Variants in NCOR1 observed in about 807,000 individuals in gnomAD.
NCOR1 encodes protein phosphatase 1, regulatory subunit 109.
Under a neutral mutation model 288.1 loss-of-function variants are expected in NCOR1, and 63 were observed. That is an observed-to-expected ratio of 0.22 (90% CI 0.18 to 0.27). The LOEUF is 0.27. Ranked by LOEUF, NCOR1 falls within the 10% of genes least tolerant of loss-of-function variation. The pLI is 1.00. For missense variants in NCOR1, 2,397 were observed against 3,019.2 expected, an observed-to-expected ratio of 0.79 and a Z score of 4.83; for synonymous variants, 1,007 against 1,065.9, an observed-to-expected ratio of 0.94 and a Z score of 1.08.
Position 16,068,071 on chromosome 17 carries a change from T to C in NCOR1, c.4564A>G (p.Thr1522Ala), listed in dbSNP as rs766928683. The change falls in exon 32 of 46, where the codon ACC becomes GCC. Residue 1522 changes from threonine (T) to alanine (A), a missense_variant. Physicochemically the swap from Thr to Ala is moderately conservative, Grantham distance 58. Transcript: ENST00000268712. ...GGGATACTTTCCCTCTGGGTAGGGGTCAGTGTCGATTTCCTTTCATGATTG... is the reference window on the plus strand; with the variant it reads ...GGGATACTTTCCCTCTGGGTAGGGGCCAGTGTCGATTTCCTTTCATGATTG... Reference protein sequence around the residue: ...STNHERKSTLTPTQRESIPAK... With the variant: ...STNHERKSTLAPTQRESIPAK... The C allele has an allele frequency of 2.5e-6, 4 of 1,613,872 alleles. No individual in the cohort carries two copies. Among genetic ancestry groups the C allele is most frequent in the Non-Finnish European group, 3.4e-6 (4 of 1,179,962 alleles).
chr17:16,033,100 C>G (rs1346684853), intron 45 of NCOR1, among the ~76,000 whole-genome samples: 1 of 152,170 alleles, frequency 6.6e-6, no homozygotes, highest in Non-Finnish European at 1.5e-5. Context: ...AATCCCAGCA[C>G]TTTGGGAGGC....
intron 40 of NCOR1, among the ~76,000 whole-genome samples, chr17:16,049,884 CTTA>C (rs2059110246): frequency 6.6e-6 from 1 of 151,788 alleles, no homozygotes; most frequent in Admixed American, 6.6e-5. Context: ...GCCCATTTAT[CTTA>C]TTATTAAAAT....
chr17:16,212,833 A>T (rs998459811), intron 1 of NCOR1, among the ~76,000 whole-genome samples: 3 of 151,962 alleles, frequency 2.0e-5, no homozygotes, highest in African/African-American at 7.3e-5. Context: ...GCACTTTGGG[A>T]GGCTGAGACA....
chr17:16,072,101 G>A, intron 29 of NCOR1, 44 bp downstream of exon 29: 1 of 1,410,854 alleles, frequency 7.1e-7, no homozygotes, highest in Non-Finnish European at 9.8e-7. Flanking sequence ...ATTTTGCCAG[G>A]GAGGCAGTTA....
intron 2 of NCOR1, among the ~76,000 whole-genome samples, chr17:16,192,323 G>T (rs1167816498): frequency 6.6e-6 from 1 of 152,218 alleles, no homozygotes; most frequent in East Asian, 1.9e-4. Context: ...AGACCAGCCT[G>T]GCCAACATAG....
intron 10 of NCOR1, among the ~76,000 whole-genome samples, chr17:16,143,971 C>A (rs2077502539): frequency 6.6e-6 from 1 of 152,092 alleles, no homozygotes; most frequent in South Asian, 2.1e-4. Flanking sequence ...TTATTGATGC[C>A]AATTCCATTT....
At position 16,030,078 on chromosome 17, in the gene NCOR1, C is replaced by T. The variant is rs540674632; in HGVS notation, c.*2218G>A. On this transcript the variant is annotated 3_prime_UTR_variant, in exon 46 of 46. Coordinates refer to ENST00000268712, the MANE Select transcript of NCOR1 (RefSeq NM_006311.4). ...GGCCTACTGCTGACCAGAAGTCTTA[C>T]GGATAACATAGTCGATTGACACATA... 13 of 177,616 alleles carry T rather than the reference C, an allele frequency of 7.3e-5. No individual in the cohort carries two copies. The highest frequency in any genetic ancestry group is 2.0e-4 in the South Asian group (1 of 5,030). The allele number at this position is 177,616 out of a possible 1,614,324, so 11.0% of individuals were successfully genotyped here.
chr17:16,181,591 G>A (rs1277194447), intron 3 of NCOR1, among the ~76,000 whole-genome samples: 1 of 152,056 alleles, frequency 6.6e-6, no homozygotes, highest in East Asian at 1.9e-4. Flanking sequence ...TGCTAAATGG[G>A]TAGATTTTAG....
At chr17:16,047,763 A>G (rs905929641) in intron 41 of NCOR1, among the ~76,000 whole-genome samples, 1 of 152,218 alleles carries the variant, frequency 6.6e-6, no homozygotes, top group Non-Finnish European at 1.5e-5. Flanking sequence ...AGATGAGAAC[A>G]GAGACTATAG....
At chr17:16,057,342 G>T in intron 40 of NCOR1, 172 bp downstream of exon 40, 1 of 634,170 alleles carries the variant, frequency 1.6e-6, no homozygotes, top group South Asian at 2.0e-5. Context: ...CAAATGCCAA[G>T]ACAGTGGACA....
chr17:16,036,595 A>G (rs1419814469), intron 44 of NCOR1, among the ~76,000 whole-genome samples: 1 of 152,246 alleles, frequency 6.6e-6, no homozygotes, highest in Non-Finnish European at 1.5e-5. Flanking sequence ...AACTTGCTGC[A>G]ACATCTTCAT....
chr17:16,138,981 T>C, intron 12 of NCOR1, 27 bp downstream of exon 12: 1 of 1,454,542 alleles, frequency 6.9e-7, no homozygotes, highest in Non-Finnish European at 9.3e-7. Context: ...AGATGTCTAT[T>C]AGAGAATAAT....
At chr17:16,076,946 C>A (rs1041436162) in intron 26 of NCOR1, among the ~76,000 whole-genome samples, 6 of 152,220 alleles carry the variant, frequency 3.9e-5, no homozygotes, top group African/African-American at 9.6e-5. Flanking sequence ...CAATTCTCCA[C>A]GACAACACCT....
chr17:16,146,775 A>G (rs539761259), intron 9 of NCOR1, among the ~76,000 whole-genome samples: 1 of 152,206 alleles, frequency 6.6e-6, no homozygotes, highest in Admixed American at 6.5e-5. Flanking sequence ...GTTAACATTA[A>G]GACTATGCAT....
chr17:16,103,984 G>A (rs976330676), intron 19 of NCOR1, among the ~76,000 whole-genome samples: 1 of 152,202 alleles, frequency 6.6e-6, no homozygotes, highest in African/African-American at 2.4e-5. Context: ...TGGGCAACAA[G>A]AGTGAAACTC....
intron 28 of NCOR1, among the ~76,000 whole-genome samples, chr17:16,072,705 G>A (rs548005887): frequency 1.3e-5 from 2 of 152,126 alleles, no homozygotes; most frequent in Non-Finnish European, 2.9e-5. Flanking sequence ...TAAATCAAGG[G>A]TTAGAAATAA....
rs145663302 is a variant in NCOR1 at position 16,048,891 on chromosome 17, T to C, written c.6490A>G (p.Ser2164Gly). The change falls in exon 41 of 46, where the codon AGC becomes GGC. Residue 2164 changes from serine to glycine, a missense_variant. Coordinates refer to ENST00000268712, the MANE Select transcript of NCOR1 (RefSeq NM_006311.4). ...QVPVVHEKQD[S>G]LLLLSQRGAE... Reference sequence around the variant, plus strand: ...CCCCTCTGAGACAAGAGCAGCAAGCTGTCCTGTTTCTCATGCACAACCGGA... The same window carrying C: ...CCCCTCTGAGACAAGAGCAGCAAGCCGTCCTGTTTCTCATGCACAACCGGA... The C allele has an allele frequency of 2.2e-5, 36 of 1,613,832 alleles. No homozygotes were observed. Among genetic ancestry groups the C allele is most frequent in the Non-Finnish European group, 2.9e-5 (34 of 1,179,894 alleles).
intron 22 of NCOR1, 54 bp from the exon 23 acceptor site, chr17:16,086,496 CAT>C (rs2064250996): frequency 2.0e-6 from 3 of 1,465,374 alleles, no homozygotes; most frequent in Admixed American, 2.0e-5. Flanking sequence ...TAGTTTACAA[CAT>C]GTTACCTCTC....
At chr17:16,093,364 T>A (rs554001748) in intron 21 of NCOR1, among the ~76,000 whole-genome samples, 2 of 152,306 alleles carry the variant, frequency 1.3e-5, no homozygotes, top group South Asian at 4.1e-4. Flanking sequence ...TCCATAACCA[T>A]CCAATAAAAC....
Sources: allele counts gnomAD v4.1 joint callset (sites outside exome capture counted in the v4.1 genomes callset), GRCh38; gene constraint gnomAD v4.1.1; transcripts MANE v1.5; gene names NCBI Gene and HGNC (gene_info 2026-07-23, HGNC 2026-07-21).